Variants in CORIN observed in about 807,000 individuals in gnomAD.
CORIN encodes the protein corin, serine peptidase, also known as atrial natriuretic peptide-converting enzyme.
In CORIN, 117 loss-of-function variants were observed where a neutral mutation model predicts 125.3. The observed-to-expected ratio is 0.93, with a 90% CI of 0.80 to 1.09. The LOEUF is 1.09. Ranked by LOEUF, CORIN falls within the 50% of genes least tolerant of loss-of-function variation. The pLI, the probability that CORIN is intolerant of heterozygous loss-of-function variation, is 0.00. For missense variants in CORIN, 1,253 were observed against 1,306.7 expected, an observed-to-expected ratio of 0.96 and a Z score of 0.63; for synonymous variants, 450 against 466.4, an observed-to-expected ratio of 0.96 and a Z score of 0.45.
intron 7 of CORIN, chr4:47,680,635 T>C (rs1725235626): frequency 5.1e-6 from 1 of 194,552 alleles, no homozygotes; most frequent in Admixed American, 5.8e-5. Context: ...GGCTAGCGGA[T>C]TTGATGTATC....
chr4:47,756,771 CAG>C (rs1729166589), intron 4 of CORIN, among the ~76,000 whole-genome samples: 2 of 152,182 alleles, frequency 1.3e-5, no homozygotes, highest in African/African-American at 2.4e-5. Context: ...AATCTCACTT[CAG>C]GAGCATGGAA....
At position 47,744,562 on chromosome 4, in the gene CORIN, C is replaced by T. The variant is rs1728574075; in HGVS notation, c.639G>A (p.Arg213=). The T allele has an allele frequency of 6.2e-7, 1 of 1,605,934 alleles. No homozygotes were observed. The highest frequency in any genetic ancestry group is 8.5e-7 in the Non-Finnish European group (1 of 1,176,856). The change falls in exon 5 of 22, where the codon AGG becomes AGA. Residue 213 remains arginine, a synonymous_variant. Coordinates refer to ENST00000273857, the MANE Select transcript of CORIN (RefSeq NM_006587.4). ...CTTCTTTTGCAGCCTCACAGAAGGACCTACAGGGCAGGAGTCCATGACTAA... is the reference window on the plus strand; with the variant it reads ...CTTCTTTTGCAGCCTCACAGAAGGATCTACAGGGCAGGAGTCCATGACTAA... ...GDDSHGLLPC[R]SFCEAAKEGC...
chr4:47,594,165 C>T lies in CORIN; in HGVS notation c.*1556G>A, dbSNP rs1470540536. The T allele has an allele frequency of 2.0e-5, 3 of 152,098 alleles. No individual in the cohort carries two copies. The highest frequency in any genetic ancestry group is 7.3e-5 in the African/African-American group (3 of 41,376). The allele number at this position is 152,098 out of a possible 1,614,324, so 9.4% of individuals were successfully genotyped here. On this transcript the variant is annotated 3_prime_UTR_variant, in exon 22 of 22. Transcript: ENST00000273857. ...TCTTGAACTTTCATACAATCGTGAC[C>T]ACAATTCAGTTGCTGGATTTCACAC...
At chr4:47,690,606 T>A (rs1725723851) in intron 6 of CORIN, among the ~76,000 whole-genome samples, 2 of 152,208 alleles carry the variant, frequency 1.3e-5, no homozygotes, top group South Asian at 4.1e-4. Context: ...AGAAGCATAA[T>A]CTCCTCTGAC....
rs758207729 is a variant in CORIN, at chr4:47,595,771, C to G, written c.3079G>C (p.Val1027Leu). ...PGVYSNVSYF[V>L]EWIKRQIYIQ... ...TAAATCTGTCTTTTAATCCATTCGA[C>G]GAAATATGACACATTACTATAAACG... Residue 1027 changes from valine to leucine, a missense_variant, in exon 22 of 22, where the codon GTC (valine) becomes CTC (leucine). Physicochemically the swap from Val to Leu is conservative, Grantham distance 32 (BLOSUM62 1). Transcript: ENST00000273857. 2 of 1,612,672 alleles carry G rather than the reference C, an allele frequency of 1.2e-6. No individual in the cohort carries two copies. The highest frequency in any genetic ancestry group is 8.5e-7 in the Non-Finnish European group (1 of 1,179,478).
intron 18 of CORIN, 65 bp downstream of exon 18, chr4:47,623,834 C>G (rs1169483342): frequency 6.2e-7 from 1 of 1,606,984 alleles, no homozygotes; most frequent in Admixed American, 1.7e-5. Context: ...AGCGATCACT[C>G]TTCCCCTGAG....
In CORIN at chr4:47,786,802, G is replaced by C; in HGVS notation, c.332C>G (p.Thr111Ser). 1 of 1,614,134 alleles carries C rather than the reference G, an allele frequency of 6.2e-7. No individual in the cohort carries two copies. The highest frequency in any genetic ancestry group is 8.5e-7 in the Non-Finnish European group (1 of 1,179,974). ...TIYNQSTVVS[T>S]AHPDQHVPAW... ...TGGAACGTGTTGGTCGGGATGTGCAGTAGACACCACAGTGCTCTGGTTATA... is the reference window on the plus strand; with the variant it reads ...TGGAACGTGTTGGTCGGGATGTGCACTAGACACCACAGTGCTCTGGTTATA... The change falls in exon 3 of 22, where the codon ACT (threonine) becomes AGT (serine). Residue 111 changes from threonine to serine, a missense_variant. Transcript: ENST00000273857.
Position 47,665,132 on chromosome 4 carries a change from G to C in CORIN, c.1489C>G (p.Leu497Val). Residue 497 changes from leucine (L) to valine (V), a missense_variant, in exon 11 of 22, where the codon CTT becomes GTT. By Grantham distance (32) the Leu-to-Val change is conservative. Transcript: ENST00000273857. ...ISWESSLFPA[L>V]VQTNCYKYLM... ...TATTTATAACAGTTGGTTTGAACAA[G>C]TGCAGGGAAAAGAGAAGACTCCCAG... The C allele has an allele frequency of 6.2e-7, 1 of 1,613,898 alleles. No homozygotes were observed. The highest frequency in any genetic ancestry group is 8.5e-7 in the Non-Finnish European group (1 of 1,179,822).
intron 19 of CORIN, 113 bp downstream of exon 19, chr4:47,623,458 A>T: frequency 9.2e-7 from 1 of 1,084,996 alleles, no homozygotes; most frequent in Non-Finnish European, 1.3e-6. Context: ...GAAGTAGATT[A>T]GCTGTGGCTT....
At chr4:47,650,501 A>G (rs1203753075) in intron 13 of CORIN, among the ~76,000 whole-genome samples, 6 of 152,158 alleles carry the variant, frequency 3.9e-5, no homozygotes, top group African/African-American at 1.4e-4. Flanking sequence ...AAGCCTAGCA[A>G]GAGATAACCT....
intron 19 of CORIN, among the ~76,000 whole-genome samples, chr4:47,612,446 G>T (rs965596964): frequency 1.3e-5 from 2 of 152,172 alleles, no homozygotes; most frequent in African/African-American, 4.8e-5. Flanking sequence ...GATACAACAA[G>T]CAAACTAGAT....
chr4:47,667,219 C>G (rs1209976581), intron 10 of CORIN, among the ~76,000 whole-genome samples: 1 of 152,176 alleles, frequency 6.6e-6, no homozygotes, highest in Non-Finnish European at 1.5e-5. Context: ...TGAGGCCTCC[C>G]CAGTCATGTG....
intron 16 of CORIN, among the ~76,000 whole-genome samples, chr4:47,630,024 C>T (rs1722745919): frequency 6.6e-6 from 1 of 152,146 alleles, no homozygotes; most frequent in African/African-American, 2.4e-5. Context: ...TGACAGCACA[C>T]CATGTTCTTT....
intron 1 of CORIN, among the ~76,000 whole-genome samples, chr4:47,814,236 G>GT (rs1296007831): frequency 6.6e-5 from 10 of 152,018 alleles, no homozygotes; most frequent in African/African-American, 1.7e-4. Flanking sequence ...TCTAAACACT[G>GT]TGGGGGCATT....
intron 16 of CORIN, among the ~76,000 whole-genome samples, chr4:47,636,854 G>A (rs184965790): frequency 6.6e-6 from 1 of 152,252 alleles, no homozygotes; most frequent in East Asian, 1.9e-4. Context: ...AGCAGAGTGG[G>A]GTGCTGCTGT....
chr4:47,628,885 A>G (rs535096473), intron 16 of CORIN, among the ~76,000 whole-genome samples: 1 of 152,290 alleles, frequency 6.6e-6, no homozygotes, highest in East Asian at 1.9e-4. Context: ...GTATAAAGAA[A>G]TATATATTCT....
intron 4 of CORIN, among the ~76,000 whole-genome samples, chr4:47,745,428 A>C (rs1728618750): frequency 6.6e-6 from 1 of 152,272 alleles, no homozygotes; most frequent in Admixed American, 6.5e-5. Flanking sequence ...TAGACATGTC[A>C]GTTAAATCAA....
intron 13 of CORIN, among the ~76,000 whole-genome samples, chr4:47,645,737 A>G (rs950202023): frequency 6.6e-6 from 1 of 151,924 alleles, no homozygotes; most frequent in Middle Eastern, 3.2e-3. Context: ...TAAAAAATAC[A>G]AAAAACAGCA....
In CORIN at chr4:47,645,094, G is replaced by A. The variant is rs150591451; in HGVS notation, c.1944C>T (p.Asp648=). The A allele has an allele frequency of 5.9e-4, 941 of 1,600,256 alleles. 3 individuals are homozygous for A. In the Middle Eastern group the frequency reaches 7.2e-3, roughly 12 times the overall value. ...DGFPDCPDYM[D]EKNCSFCQDD... ...ATAAGCACTTACAGCAGTTTTTCTC[G>A]TCCATGTAATCAGGGCAGTCTGGGA... Residue 648 remains aspartate, a synonymous_variant, in exon 14 of 22, where the codon GAC becomes GAT. Transcript: ENST00000273857.
Sources: allele counts gnomAD v4.1 joint callset (sites outside exome capture counted in the v4.1 genomes callset), GRCh38; gene constraint gnomAD v4.1.1; transcripts MANE v1.5; gene names NCBI Gene and HGNC (gene_info 2026-07-23, HGNC 2026-07-21).